The following RHO variants were observed in gnomAD, a reference collection of about 807,000 sequenced individuals.
The protein encoded by RHO is opsin 2, rod pigment.
Under a neutral mutation model 31.2 loss-of-function variants are expected in RHO, and 21 were observed. The ratio of observed to expected loss-of-function variants is 0.67; its 90% CI spans 0.48 to 0.97. The LOEUF is 0.97. Among genes scored for constraint, RHO ranks in the 50% least tolerant of loss-of-function variants. The probability of loss-of-function intolerance (pLI) is 0.00; values close to 1 mark genes in which losing one functional copy is unlikely to be tolerated. For missense variants in RHO, 414 were observed against 479.5 expected (o/e 0.86, Z 1.28); for synonymous variants, 211 against 196.6 (o/e 1.07, Z -0.61).
rs547981493 is a variant in RHO, at chr3:129,532,536, G to T, written c.700G>T (p.Ala234Ser). ...ACCCGGGTCCCGTGTCCTGCAGGCC[G>T]CTGCCCAGCAGCAGGAGTCAGCCAC... ...GQLVFTVKEA[A>S]AQQQESATTQ... Residue 234 changes from alanine (A) to serine (S), a missense_variant, in exon 4 of 5, where the codon GCT (alanine) becomes TCT (serine). By Grantham distance (99) the Ala-to-Ser change is moderately conservative. Transcript: ENST00000296271. This position sits in a 1 kb window ranked among gnomAD's most constrained non-coding sequence, Gnocchi z 5.5. 1 of 1,614,008 alleles carries T rather than the reference G, an allele frequency of 6.2e-7. No homozygotes were observed. The highest frequency in any genetic ancestry group is 2.2e-5 in the East Asian group (1 of 44,860).
At chr3:129,530,770 C>A in intron 1 of RHO, 106 bp from the exon 2 acceptor site, 1 of 1,394,586 alleles carries the variant, frequency 7.2e-7, no homozygotes, top group Non-Finnish European at 1.0e-6. Context: ...TCAAATCCCT[C>A]TCCCACTCCT....
chr3:129,532,407 C>T lies in RHO; in HGVS notation c.687C>T (p.Thr229=), dbSNP rs143003934. The T allele has an allele frequency of 1.1e-4, 181 of 1,613,892 alleles. No homozygotes were observed. Among genetic ancestry groups the T allele is most frequent in the Non-Finnish European group, 1.4e-4 (168 of 1,180,028 alleles). ...TCTGCTATGGGCAGCTCGTCTTCAC[C>T]GTCAAGGAGGTACGGGCCGGGGGGT... The part of the protein sequence containing the change: ...IFFCYGQLVF[T]VKEAAAQQQE... Residue 229 remains threonine (T), a synonymous_variant, in exon 3 of 5, where the codon ACC becomes ACT. Transcript: ENST00000296271. The surrounding 1 kb of genome is among the most constrained non-coding windows in gnomAD (Gnocchi z 5.5).
chr3:129,530,966 A>G lies in RHO; in HGVS notation c.452A>G (p.Asn151Ser), dbSNP rs1381050525. ...KPMSNFRFGE[N>S]HAIMGVAFTW... ...ATGAGCAACTTCCGCTTCGGGGAGA[A>G]CCATGCCATCATGGGCGTTGCCTTC... The change falls in exon 2 of 5, where the codon AAC becomes AGC. Residue 151 changes from asparagine (N) to serine (S), a missense_variant. By Grantham distance (46) the Asn-to-Ser change is conservative. Coordinates refer to ENST00000296271, the MANE Select transcript of RHO (RefSeq NM_000539.3). 3.7e-6 allele frequency: 6 copies of G among 1,614,130 alleles called. No individual in the cohort carries two copies. In the Admixed American group the frequency reaches 1.0e-4, roughly 27 times the overall value.
chr3:129,528,918 C>A lies in RHO; in HGVS notation c.185C>A (p.Thr62Asn), dbSNP rs769464362. 32 of 1,614,132 alleles carry A rather than the reference C, an allele frequency of 2.0e-5. No homozygotes were observed. The highest frequency in any genetic ancestry group is 2.5e-5 in the Non-Finnish European group (30 of 1,180,062). The change falls in exon 1 of 5, where the codon ACC (threonine) becomes AAC (asparagine). Residue 62 changes from threonine (T) to asparagine (N), a missense_variant. By Grantham distance (65) the Thr-to-Asn change is moderately conservative. Coordinates refer to ENST00000296271, the MANE Select transcript of RHO (RefSeq NM_000539.3). ...ATCAACTTCCTCACGCTCTACGTCACCGTCCAGCACAAGAAGCTGCGCACG... is the reference window on the plus strand; with the variant it reads ...ATCAACTTCCTCACGCTCTACGTCAACGTCCAGCACAAGAAGCTGCGCACG... ...FPINFLTLYV[T>N]VQHKKLRTPL... is the part of the protein sequence containing the mutation.
In RHO at chr3:129,530,976, C is replaced by T; in HGVS notation, c.462C>T (p.Ile154=). The change falls in exon 2 of 5, where the codon ATC becomes ATT. Residue 154 remains isoleucine, a synonymous_variant. Coordinates refer to ENST00000296271, the MANE Select transcript of RHO (RefSeq NM_000539.3). ...SNFRFGENHA[I]MGVAFTWVMA... Reference sequence around the variant, plus strand: ...TCCGCTTCGGGGAGAACCATGCCATCATGGGCGTTGCCTTCACCTGGGTCA... The same window carrying T: ...TCCGCTTCGGGGAGAACCATGCCATTATGGGCGTTGCCTTCACCTGGGTCA... The T allele has an allele frequency of 6.2e-7, 1 of 1,614,278 alleles. No homozygotes were observed. Among genetic ancestry groups the T allele is most frequent in the Non-Finnish European group, 8.5e-7 (1 of 1,180,046 alleles).
chr3:129,531,072 G>T, intron 2 of RHO, 28 bp downstream of exon 2: 1 of 1,608,748 alleles, frequency 6.2e-7, no homozygotes. Context: ...AAGGGAAGAA[G>T]CTCCGGGGGC....
chr3:129,531,927 G>A (rs538560123), intron 2 of RHO, among the ~76,000 whole-genome samples: 2 of 152,316 alleles, frequency 1.3e-5, no homozygotes, highest in East Asian at 3.9e-4. Context: ...GAGCCTGAGG[G>A]CTCTCCCCAC....
In RHO at chr3:129,532,429, G is replaced by C; in HGVS notation, c.696+13G>C. The stretch of plus-strand genomic sequence containing the variant: ...CACCGTCAAGGAGGTACGGGCCGGG[G>C]GGTGGGCGGCCTCACGGCTCTGAGG... On this transcript the variant is annotated intron_variant, in intron 3 of 4. Transcript: ENST00000296271. The surrounding 1 kb of genome is among the most constrained non-coding windows in gnomAD (Gnocchi z 5.5). 1 of 1,613,926 alleles carries C rather than the reference G, an allele frequency of 6.2e-7. No individual in the cohort carries two copies. The highest frequency in any genetic ancestry group is 8.5e-7 in the Non-Finnish European group (1 of 1,179,992).
At chr3:129,530,531 ACAACACACAC>A (rs1220213959) in intron 1 of RHO, among the ~76,000 whole-genome samples, 4 of 110,644 alleles carry the variant, frequency 3.6e-5, no homozygotes, top group African/African-American at 2.2e-4. Context: ...ACACACACAC[ACAACACACAC>A]ACACACACAC....
chr3:129,528,988 C>T lies in RHO; in HGVS notation c.255C>T (p.Phe85=). The change falls in exon 1 of 5, where the codon TTC becomes TTT. Residue 85 remains phenylalanine, a synonymous_variant. Transcript: ENST00000296271. Reference sequence around the variant, plus strand: ...TCAACCTAGCCGTGGCTGACCTCTTCATGGTCCTAGGTGGCTTCACCAGCA... The same window carrying T: ...TCAACCTAGCCGTGGCTGACCTCTTTATGGTCCTAGGTGGCTTCACCAGCA... ...ILLNLAVADL[F]MVLGGFTSTL... The T allele has an allele frequency of 6.2e-7, 1 of 1,614,240 alleles. No individual in the cohort carries two copies. Among genetic ancestry groups the T allele is most frequent in the Non-Finnish European group, 8.5e-7 (1 of 1,180,052 alleles).
rs548089979 is a variant in RHO, at chr3:129,534,641, A to G, written c.*923A>G. On this transcript the variant is annotated 3_prime_UTR_variant, in exon 5 of 5. Coordinates refer to ENST00000296271, the MANE Select transcript of RHO (RefSeq NM_000539.3). ...AGGCCAAGTTCCCAATGAGGGTGAGATTGGGCCTGGGGTCTCACCCCTAGT... is the reference window on the plus strand; with the variant it reads ...AGGCCAAGTTCCCAATGAGGGTGAGGTTGGGCCTGGGGTCTCACCCCTAGT... 1.3e-5 allele frequency: 2 copies of G among 152,590 alleles called. No individual in the cohort carries two copies. The highest frequency in any genetic ancestry group is 2.9e-5 in the Non-Finnish European group (2 of 68,050). The allele number at this position is 152,590 out of a possible 1,614,324, so 9.5% of individuals were successfully genotyped here. A position where few individuals can be genotyped will look rare whatever the true frequency, so the allele number is the denominator to read the frequency against.
Position 129,528,885 on chromosome 3 carries a change from G to C in RHO, c.152G>C (p.Gly51Ala), listed in dbSNP as rs149079952. 5.8e-4 allele frequency: 941 copies of C among 1,614,228 alleles called. 6 individuals carry two copies. The African/African-American group carries it at 9.9e-3, about 17-fold the overall frequency. ...TACATGTTTCTGCTGATCGTGCTGGGCTTCCCCATCAACTTCCTCACGCTC... is the reference window on the plus strand; with the variant it reads ...TACATGTTTCTGCTGATCGTGCTGGCCTTCCCCATCAACTTCCTCACGCTC... Reference protein sequence around the residue: ...AAYMFLLIVLGFPINFLTLYV... With the variant: ...AAYMFLLIVLAFPINFLTLYV... Residue 51 changes from glycine (G) to alanine (A), a missense_variant, in exon 1 of 5, where the codon GGC becomes GCC. Transcript: ENST00000296271.
In RHO at chr3:129,531,135, G is replaced by T. The variant is rs2084776947; in HGVS notation, c.530+91G>T. 4 of 1,462,880 alleles carry T rather than the reference G, an allele frequency of 2.7e-6. No individual in the cohort carries two copies. The East Asian group carries it at 9.2e-5, about 34-fold the overall frequency. The allele number at this position is 1,462,880 out of a possible 1,614,324, so 90.6% of individuals were successfully genotyped here. On this transcript the variant is annotated intron_variant, in intron 2 of 4. Transcript: ENST00000296271. ...CAAACCCAGTAGTGTCTGGTTCCAGGCACTGACCTTGTATGTCTCCTGGCC... is the reference window on the plus strand; with the variant it reads ...CAAACCCAGTAGTGTCTGGTTCCAGTCACTGACCTTGTATGTCTCCTGGCC...
chr3:129,532,425 CG>C lies in RHO; in HGVS notation c.696+15del, dbSNP rs749155432. ...TCTTCACCGTCAAGGAGGTACGGGCCGGGGGGTGGGCGGCCTCACGGCTCTG... is the reference window on the plus strand; with the variant it reads ...TCTTCACCGTCAAGGAGGTACGGGCCGGGGGTGGGCGGCCTCACGGCTCTG... On this transcript the variant is annotated intron_variant, in intron 3 of 4. Transcript: ENST00000296271. The surrounding 1 kb of genome is among the most constrained non-coding windows in gnomAD (Gnocchi z 5.5). 13 of 1,613,472 alleles carry C rather than the reference CG, an allele frequency of 8.1e-6. No individual in the cohort carries two copies. The African/African-American group carries it at 1.2e-4, about 15-fold the overall frequency.
At chr3:129,533,021 TCAGGTGGGAGAAGCTC>T (rs1183487265) in intron 4 of RHO, among the ~76,000 whole-genome samples, 1 of 152,140 alleles carries the variant, frequency 6.6e-6, no homozygotes, top group Non-Finnish European at 1.5e-5. Context: ...AGATGCTCAC[TCAGGTGGGAGAAGCTC>T]CAGTCAGCTA....
rs113751838 is a variant in RHO at position 129,532,344 on chromosome 3, C to T, written c.624C>T (p.Phe208=). 140 of 1,613,986 alleles carry T rather than the reference C, an allele frequency of 8.7e-5. 1 individual carries two copies. Among genetic ancestry groups the T allele is most frequent in the African/African-American group, 6.9e-4 (52 of 75,014 alleles). The change falls in exon 3 of 5, where the codon TTC becomes TTT. Residue 208 remains phenylalanine (F), a synonymous_variant. Transcript: ENST00000296271. The surrounding 1 kb of genome is among the most constrained non-coding windows in gnomAD (Gnocchi z 5.5). ...VNNESFVIYM[F]VVHFTIPMII... ...ACGAGTCTTTTGTCATCTACATGTT[C>T]GTGGTCCACTTCACCATCCCCATGA...
Position 129,529,051 on chromosome 3 carries a change from G to T in RHO, c.318G>T (p.Gly106=), listed in dbSNP as rs1488067054. The change falls in exon 1 of 5, where the codon GGG becomes GGT. Residue 106 remains glycine, a synonymous_variant. Transcript: ENST00000296271. ...CTCTGCATGGATACTTCGTCTTCGG[G>T]CCCACAGGATGCAATTTGGAGGGCT... ...YTSLHGYFVF[G]PTGCNLEGFF... 6.2e-7 allele frequency: 1 copy of T among 1,613,296 alleles called. No homozygotes were observed. The highest frequency in any genetic ancestry group is 8.5e-7 in the Non-Finnish European group (1 of 1,179,284).
Position 129,530,914 on chromosome 3 carries a change from G to A in RHO, c.400G>A (p.Glu134Lys), listed in dbSNP as rs766196737. The A allele has an allele frequency of 5.6e-6, 9 of 1,614,126 alleles. No homozygotes were observed. The highest frequency in any genetic ancestry group is 2.7e-5 in the African/African-American group (2 of 74,938). Residue 134 changes from glutamate to lysine, a missense_variant, in exon 2 of 5, where the codon GAG (glutamate) becomes AAG (lysine). Coordinates refer to ENST00000296271, the MANE Select transcript of RHO (RefSeq NM_000539.3). ...GTGGTCCTTGGTGGTCCTGGCCATC[G>A]AGCGGTACGTGGTGGTGTGTAAGCC... ...ALWSLVVLAIERYVVVCKPMS... is the reference protein window; with the variant it reads ...ALWSLVVLAIKRYVVVCKPMS...
At chr3:129,531,126 T>C (rs1273393381) in intron 2 of RHO, 82 bp downstream of exon 2, 2 of 1,529,772 alleles carry the variant, frequency 1.3e-6, no homozygotes, top group Non-Finnish European at 8.9e-7. Context: ...CAGTAGTGTC[T>C]GGTTCCAGGC....
Sources: allele counts gnomAD v4.1 joint callset (sites outside exome capture counted in the v4.1 genomes callset), GRCh38; gene constraint gnomAD v4.1.1; non-coding constraint Gnocchi (gnomAD v3.1); transcripts MANE v1.5; gene names NCBI Gene and HGNC (gene_info 2026-07-23, HGNC 2026-07-21).